ZFPM2: variants seen among roughly 807,000 people sequenced by gnomAD.
ZFPM2 encodes the protein zinc finger protein ZFPM2.
Under a neutral mutation model 98.6 loss-of-function variants are expected in ZFPM2, and 20 were observed. That is an observed-to-expected ratio of 0.20 (90% CI 0.14 to 0.29). The LOEUF is 0.29. ZFPM2 is among the 10% of genes least tolerant of loss of function. ZFPM2 has a pLI of 1.00. For missense variants in ZFPM2, 1,310 were observed against 1,388.6 expected (o/e 0.94, Z 0.90); for synonymous variants, 518 against 502.7 (o/e 1.03, Z -0.41).
chr8:105,674,533 A>G (rs774982054), intron 5 of ZFPM2, among the ~76,000 whole-genome samples: 1 of 152,106 alleles, frequency 6.6e-6, no homozygotes, highest in Non-Finnish European at 1.5e-5. Flanking sequence ...TGCATTGTTC[A>G]TTTCTCCTCA....
chr8:105,778,116 T>C (rs1466914740), intron 5 of ZFPM2, among the ~76,000 whole-genome samples: 1 of 152,206 alleles, frequency 6.6e-6, no homozygotes, highest in Non-Finnish European at 1.5e-5. Flanking sequence ...ATTTATAAGT[T>C]CTATTCCTTC....
intron 4 of ZFPM2, among the ~76,000 whole-genome samples, chr8:105,603,043 G>A (rs1191761783): frequency 1.3e-5 from 2 of 152,184 alleles, no homozygotes; most frequent in South Asian, 2.1e-4. Flanking sequence ...GATACATGGA[G>A]AATAGTGATT....
intron 3 of ZFPM2, among the ~76,000 whole-genome samples, chr8:105,531,873 G>C (rs573807990): frequency 9.1e-4 from 139 of 152,084 alleles, no homozygotes; most frequent in Non-Finnish European, 1.9e-3. Context: ...TTAAAAATCC[G>C]AATCAATTAC....
intron 5 of ZFPM2, among the ~76,000 whole-genome samples, chr8:105,655,971 T>C (rs1303895469): frequency 6.6e-6 from 1 of 152,146 alleles, no homozygotes; most frequent in African/African-American, 2.4e-5. Context: ...TGCATTAATT[T>C]ATTCCTTCAC....
intron 3 of ZFPM2, among the ~76,000 whole-genome samples, chr8:105,560,632 T>C (rs1815114708): frequency 6.6e-6 from 1 of 151,714 alleles, no homozygotes; most frequent in Admixed American, 6.6e-5. Context: ...ATTATTCCAT[T>C]CATTTATTTC....
chr8:105,734,335 A>C (rs1812018605), intron 5 of ZFPM2, among the ~76,000 whole-genome samples: 1 of 151,946 alleles, frequency 6.6e-6, no homozygotes, highest in Admixed American at 6.6e-5. Flanking sequence ...TCTTTTTATA[A>C]GCAAAGAATA....
intron 3 of ZFPM2, among the ~76,000 whole-genome samples, chr8:105,510,577 C>T (rs1813797980): frequency 6.6e-6 from 1 of 152,146 alleles, no homozygotes; most frequent in South Asian, 2.1e-4. Flanking sequence ...TGATCTCCCC[C>T]CTTCCCTAAT....
At chr8:105,525,737 T>A (rs1814160981) in intron 3 of ZFPM2, among the ~76,000 whole-genome samples, 1 of 152,208 alleles carries the variant, frequency 6.6e-6, no homozygotes, top group South Asian at 2.1e-4. Context: ...ATGTGTTATA[T>A]AAAATATATG....
intron 2 of ZFPM2, among the ~76,000 whole-genome samples, chr8:105,426,441 C>T (rs928955273): frequency 1.3e-5 from 2 of 152,126 alleles, no homozygotes; most frequent in Non-Finnish European, 2.9e-5. Context: ...TGAACAGCCC[C>T]CAGCTTTGCT....
At chr8:105,632,298 T>A (rs2130836092) in intron 4 of ZFPM2, among the ~76,000 whole-genome samples, 1 of 152,306 alleles carries the variant, frequency 6.6e-6, no homozygotes, top group East Asian at 1.9e-4. Flanking sequence ...GCCTCCCAAG[T>A]AGCTGGGATT....
At chr8:105,626,069 C>T (rs938674720) in intron 4 of ZFPM2, among the ~76,000 whole-genome samples, 14 of 151,718 alleles carry the variant, frequency 9.2e-5, no homozygotes, top group African/African-American at 3.4e-4. Context: ...CAAGTGCAAA[C>T]TTTCACTCGG....
intron 4 of ZFPM2, among the ~76,000 whole-genome samples, chr8:105,587,108 C>G (rs1482984174): frequency 6.6e-6 from 1 of 151,204 alleles, no homozygotes; most frequent in Non-Finnish European, 1.5e-5. Flanking sequence ...AACCCCGTCT[C>G]TACTAAAAAA....
intron 1 of ZFPM2, among the ~76,000 whole-genome samples, chr8:105,340,297 A>G (rs920876364): frequency 7.2e-5 from 11 of 151,864 alleles, no homozygotes; most frequent in Non-Finnish European, 1.5e-4. Context: ...GCCAATTTCA[A>G]TGTTCTTAAA....
intron 3 of ZFPM2, among the ~76,000 whole-genome samples, chr8:105,504,000 A>G (rs552811988): frequency 4.6e-5 from 7 of 152,226 alleles, no homozygotes; most frequent in African/African-American, 1.7e-4. Flanking sequence ...CCCTGCAGAT[A>G]GTTGGTTGGA....
chr8:105,665,734 G>A (rs1191709976), intron 5 of ZFPM2, among the ~76,000 whole-genome samples: 1 of 152,044 alleles, frequency 6.6e-6, no homozygotes, highest in Non-Finnish European at 1.5e-5. Context: ...TTAGCGATGA[G>A]GCCTAATGTA....
Position 105,419,302 on chromosome 8 carries a change from G to A in ZFPM2, c.199G>A (p.Gly67Ser). Reference protein sequence around the residue: ...CEEVEYFCNKGDDEGIQETAE... With the variant: ...CEEVEYFCNKSDDEGIQETAE... ...AGAAGTGGAATACTTTTGTAACAAA[G>A]GTAATTGTTGATGGTTGGATGTAAT... Residue 67 changes from glycine to serine, a missense_variant and splice_region_variant, in exon 2 of 8, where the codon GGT (glycine) becomes AGT (serine). Gly to Ser is a moderately conservative substitution (Grantham distance 56). Transcript: ENST00000407775. 3.1e-6 allele frequency: 5 copies of A among 1,612,792 alleles called. No individual in the cohort carries two copies. The South Asian group carries it at 5.5e-5, about 18-fold the overall frequency.
At chr8:105,328,223 T>C (rs1027294954) in intron 1 of ZFPM2, among the ~76,000 whole-genome samples, 1 of 151,754 alleles carries the variant, frequency 6.6e-6, no homozygotes, top group Non-Finnish European at 1.5e-5. Context: ...TATAGCTCAG[T>C]GAATGTATTA....
chr8:105,402,560 C>T (rs1489827642), intron 1 of ZFPM2, among the ~76,000 whole-genome samples: 1 of 151,912 alleles, frequency 6.6e-6, no homozygotes, highest in Non-Finnish European at 1.5e-5. Context: ...TTTTCAGCCC[C>T]ACTTCCCTAT....
chr8:105,651,023 T>G (rs10098435), intron 5 of ZFPM2, among the ~76,000 whole-genome samples: 2 of 151,904 alleles, frequency 1.3e-5, no homozygotes, highest in African/African-American at 4.8e-5. Flanking sequence ...TAAAACTCCA[T>G]TGAAGTGACT....
Sources: allele counts gnomAD v4.1 joint callset (sites outside exome capture counted in the v4.1 genomes callset), GRCh38; gene constraint gnomAD v4.1.1; transcripts MANE v1.5; gene names NCBI Gene and HGNC (gene_info 2026-07-23, HGNC 2026-07-21).